Variants in PTPRJ observed in about 807,000 individuals in gnomAD.
The protein encoded by PTPRJ is protein tyrosine phosphatase receptor type J, also known as receptor-type tyrosine-protein phosphatase eta.
PTPRJ carries 129 observed loss-of-function variants against 141.3 expected under a neutral mutation model. The observed-to-expected ratio is 0.91, with a 90% CI of 0.79 to 1.06. PTPRJ has a LOEUF of 1.06. PTPRJ is among the 50% of genes least tolerant of loss of function. The probability of loss-of-function intolerance (pLI) is 0.00; values close to 1 mark genes in which losing one functional copy is unlikely to be tolerated. For missense variants in PTPRJ, 1,601 were observed against 1,679.7 expected (o/e 0.95, Z 0.82); for synonymous variants, 610 against 640.5 (o/e 0.95, Z 0.72).
chr11:48,132,077 G>A, intron 8 of PTPRJ: 1 of 909,882 alleles, frequency 1.1e-6, no homozygotes, highest in Non-Finnish European at 1.3e-6. Flanking sequence ...TAACTTTTAA[G>A]ATGGTAAAGA....
intron 23 of PTPRJ, among the ~76,000 whole-genome samples, 167 bp downstream of exon 23, chr11:48,163,785 C>T (rs1192943418): frequency 6.6e-6 from 1 of 152,192 alleles, no homozygotes; most frequent in African/African-American, 2.4e-5. Flanking sequence ...GCTTCCAAAA[C>T]AGGGGTTGGC....
At chr11:48,069,561 T>A (rs556582687) in intron 1 of PTPRJ, among the ~76,000 whole-genome samples, 153 of 151,268 alleles carry the variant, frequency 1.0e-3, no homozygotes, top group African/African-American at 3.4e-3. Flanking sequence ...GCCATTCTCC[T>A]GCCTCAGCCT....
chr11:48,111,441 A>C (rs1392703289), intron 2 of PTPRJ, among the ~76,000 whole-genome samples: 1 of 151,980 alleles, frequency 6.6e-6, no homozygotes, highest in Admixed American at 6.5e-5. Context: ...TTGTGAGATA[A>C]AATAATTAGA....
At chr11:48,062,099 A>C (rs1470061132) in intron 1 of PTPRJ, among the ~76,000 whole-genome samples, 2 of 148,552 alleles carry the variant, frequency 1.3e-5, no homozygotes, top group Admixed American at 6.7e-5. Flanking sequence ...GGGTTTTGCT[A>C]TGTTTCCCAG....
rs1337823130 is a variant in PTPRJ at position 48,144,214 on chromosome 11, C to T, written c.2576-461C>T. On this transcript the variant is annotated intron_variant, in intron 12 of 24. Transcript: ENST00000418331. ...CAAAAAGTGAGGTTGAAATCTCTAT[C>T]TTTTAATTTTGGGTCTGTTTCCAGC... is the stretch of plus-strand genomic sequence containing the variant. Among the ~76,000 whole-genome samples the T allele has an allele frequency of 2.0e-5, 3 of 152,138 alleles. No individual in the cohort carries two copies. In the South Asian group the frequency reaches 6.2e-4, roughly 32 times the overall value.
chr11:48,026,904 G>T (rs1471858047), intron 1 of PTPRJ, among the ~76,000 whole-genome samples: 2 of 151,354 alleles, frequency 1.3e-5, no homozygotes. Flanking sequence ...TAATGCCTTT[G>T]CATGAGAGGG....
Position 48,167,453 on chromosome 11 carries a change from A to G in PTPRJ, c.*91A>G, listed in dbSNP as rs1180302401. 1 of 1,371,276 alleles carries G rather than the reference A, an allele frequency of 7.3e-7. No homozygotes were observed. Among genetic ancestry groups the G allele is most frequent in the Non-Finnish European group, 1.0e-6 (1 of 997,996 alleles). 84.9% of individuals were successfully genotyped at this position (1,371,276 alleles called of 1,614,324 possible). Reference sequence around the variant, plus strand: ...GATGTCGACATGTTTTTATATGTCTAATATCTTAATTCTTTGTTCTGTTTT... The same window carrying G: ...GATGTCGACATGTTTTTATATGTCTGATATCTTAATTCTTTGTTCTGTTTT... On this transcript the variant is annotated 3_prime_UTR_variant, in exon 25 of 25. Coordinates refer to ENST00000418331, the MANE Select transcript of PTPRJ (RefSeq NM_002843.4).
rs751635205 is a variant in PTPRJ at position 48,149,444 on chromosome 11, C to G, written c.3000-3C>G. 6.6e-7 allele frequency: 1 copy of G among 1,512,210 alleles called. No individual in the cohort carries two copies. The highest frequency in any genetic ancestry group is 9.1e-7 in the Non-Finnish European group (1 of 1,101,898). The allele number at this position is 1,512,210 out of a possible 1,614,324, so 93.7% of individuals were successfully genotyped here. A position where few individuals can be genotyped will look rare whatever the true frequency, so the allele number is the denominator to read the frequency against. ...CTAATGGGTCTCTTTTCTCTTAAAA[C>G]AGGAAAGATGCAAAGAATAATGAAG... On this transcript the variant is annotated splice_polypyrimidine_tract_variant and splice_region_variant and intron_variant, in intron 15 of 24. Coordinates refer to ENST00000418331, the MANE Select transcript of PTPRJ (RefSeq NM_002843.4).
rs909829549 is a variant in PTPRJ at position 48,149,548 on chromosome 11, A to G, written c.3041+60A>G. 1.3e-5 allele frequency: 15 copies of G among 1,144,328 alleles called. No individual in the cohort carries two copies. The East Asian group carries it at 2.9e-4, about 22-fold the overall frequency. The allele number at this position is 1,144,328 out of a possible 1,614,324, so 70.9% of individuals were successfully genotyped here. On this transcript the variant is annotated intron_variant, in intron 16 of 24. Transcript: ENST00000418331. ...CCTCCAATCTGTTCGGTGACTATCTATAAATAATTTTTGATGGAACTTGCT... is the reference window on the plus strand; with the variant it reads ...CCTCCAATCTGTTCGGTGACTATCTGTAAATAATTTTTGATGGAACTTGCT...
In PTPRJ at chr11:48,022,020, C is replaced by T. The variant is rs779359540; in HGVS notation, c.96+41012C>T. Among the ~76,000 whole-genome samples, 8 of 152,154 alleles carry T rather than the reference C, an allele frequency of 5.3e-5. 1 individual carries two copies. The highest frequency in any genetic ancestry group is 1.0e-4 in the Non-Finnish European group (7 of 68,038). ...CAGTTGGGTGACCTTGGTCAAGTTACTTAATCTCCGTGCCTCAATTTCCTA... is the reference window on the plus strand; with the variant it reads ...CAGTTGGGTGACCTTGGTCAAGTTATTTAATCTCCGTGCCTCAATTTCCTA... On this transcript the variant is annotated intron_variant, in intron 1 of 24. Transcript: ENST00000418331.
At chr11:48,092,313 A>G (rs1855889658) in intron 1 of PTPRJ, among the ~76,000 whole-genome samples, 2 of 148,348 alleles carry the variant, frequency 1.3e-5, no homozygotes, top group African/African-American at 5.1e-5. Flanking sequence ...AAAAAAAAAA[A>G]AAAAGAAAAA....
intron 1 of PTPRJ, among the ~76,000 whole-genome samples, chr11:47,988,249 T>A (rs969678961): frequency 3.3e-5 from 5 of 152,026 alleles, no homozygotes; most frequent in African/African-American, 1.2e-4. Context: ...GTATAGAGAG[T>A]ATGTAAAAGG....
intron 1 of PTPRJ, among the ~76,000 whole-genome samples, chr11:48,065,503 A>C (rs1385600385): frequency 6.6e-6 from 1 of 152,166 alleles, no homozygotes; most frequent in Non-Finnish European, 1.5e-5. Flanking sequence ...AAACATCTGT[A>C]AGTCTTTTTC....
chr11:47,989,742 G>A (rs1311205995), intron 1 of PTPRJ, among the ~76,000 whole-genome samples: 1 of 151,948 alleles, frequency 6.6e-6, no homozygotes, highest in Non-Finnish European at 1.5e-5. Flanking sequence ...CCTCCCCCAT[G>A]CCAATTATTT....
intron 1 of PTPRJ, among the ~76,000 whole-genome samples, chr11:48,060,107 A>G (rs11039507): frequency 0.016 from 2,494 of 152,212 alleles, 66 homozygotes; most frequent in African/African-American, 0.057. Context: ...ATTAACTGTA[A>G]TACATCACAC....
At position 47,980,816 on chromosome 11, in the gene PTPRJ, A is replaced by AAGGAGACGGC. The variant is rs1232091956; in HGVS notation, c.-91_-82dup. 3 of 1,048,394 alleles carry AAGGAGACGGC rather than the reference A, an allele frequency of 2.9e-6. No individual in the cohort carries two copies. The highest frequency in any genetic ancestry group is 3.4e-6 in the Non-Finnish European group (3 of 873,308). 64.9% of individuals were successfully genotyped at this position (1,048,394 alleles called of 1,614,324 possible). A position where few individuals can be genotyped will look rare whatever the true frequency, so the allele number is the denominator to read the frequency against. ...GGACCGGCTGGCGGAGGAGGAGGCGAAGGAGACGGCAGGAGGCGGCGACGA... is the reference window on the plus strand; with the variant it reads ...GGACCGGCTGGCGGAGGAGGAGGCGAAGGAGACGGCAGGAGACGGCAGGAGGCGGCGACGA... On this transcript the variant is annotated 5_prime_UTR_variant, in exon 1 of 25. Transcript: ENST00000418331.
intron 1 of PTPRJ, among the ~76,000 whole-genome samples, chr11:48,024,359 G>A (rs867452079): frequency 1.8e-4 from 27 of 152,080 alleles, no homozygotes; most frequent in African/African-American, 6.3e-4. Flanking sequence ...CACCACAGCC[G>A]GCTAATTTTT....
intron 1 of PTPRJ, among the ~76,000 whole-genome samples, chr11:48,095,933 G>A (rs757830543): frequency 5.9e-5 from 9 of 152,284 alleles, no homozygotes; most frequent in East Asian, 5.8e-4. Flanking sequence ...TGCCACAGCC[G>A]TGGTTGGCCA....
chr11:48,138,427 C>T (rs1047426978), intron 10 of PTPRJ, among the ~76,000 whole-genome samples: 41 of 152,292 alleles, frequency 2.7e-4, no homozygotes, highest in Middle Eastern at 6.8e-3. Context: ...GTTCAGGTTA[C>T]CTTTCCAGGC....
Sources: allele counts gnomAD v4.1 joint callset (sites outside exome capture counted in the v4.1 genomes callset), GRCh38; gene constraint gnomAD v4.1.1; transcripts MANE v1.5; gene names NCBI Gene and HGNC (gene_info 2026-07-23, HGNC 2026-07-21).